The following TMEM178A variants were observed in gnomAD, a reference collection of about 807,000 sequenced individuals.
TMEM178A encodes transmembrane protein 178.
A neutral mutation model predicts 29.1 loss-of-function variants in TMEM178A; 12 were observed. The observed-to-expected ratio is 0.41, with a 90% CI of 0.26 to 0.67. The LOEUF (loss-of-function observed/expected upper bound fraction) is 0.67. Among genes scored for constraint, TMEM178A ranks in the 30% least tolerant of loss-of-function variants. The pLI, the probability that TMEM178A is intolerant of heterozygous loss-of-function variation, is 0.29. For synonymous variants in TMEM178A, 210 were observed against 187.2 expected (o/e 1.12, Z -0.99); for missense variants, 366 against 419.1 (o/e 0.87, Z 1.11).
At chr2:39,707,315 A>C (rs113310830) in intron 3 of TMEM178A, 129 bp downstream of exon 3, 18 of 1,186,140 alleles carry the variant, frequency 1.5e-5, no homozygotes, top group South Asian at 3.4e-5. Flanking sequence ...CCAGAAGGTC[A>C]TTTTGGCTTT....
chr2:39,724,699 G>A, the TMEM178A span, among the ~76,000 whole-genome samples: 1,316 of 152,154 alleles, frequency 8.6e-3, 11 homozygotes, highest in Non-Finnish European at 0.015. Flanking sequence ...AGACAGCCTC[G>A]GAGGCATATG....
chr2:39,673,645 CA>C (rs1670495759), intron 1 of TMEM178A, among the ~76,000 whole-genome samples: 1 of 152,194 alleles, frequency 6.6e-6, no homozygotes, highest in Non-Finnish European at 1.5e-5. Flanking sequence ...TGTCTCTTTA[CA>C]ACAGGTCACT....
chr2:39,683,409 T>C (rs1670950277), intron 1 of TMEM178A, among the ~76,000 whole-genome samples: 1 of 152,188 alleles, frequency 6.6e-6, no homozygotes, highest in South Asian at 2.1e-4. Context: ...CAGTCTCACA[T>C]GGGGCTCTCC....
intron 1 of TMEM178A, among the ~76,000 whole-genome samples, chr2:39,699,743 A>G (rs1296707794): frequency 1.3e-5 from 2 of 152,132 alleles, no homozygotes; most frequent in African/African-American, 2.4e-5. Context: ...GGCATGAGCT[A>G]CTGTGCCAGG....
chr2:39,707,246 C>G, intron 3 of TMEM178A, 60 bp downstream of exon 3: 2 of 1,524,400 alleles, frequency 1.3e-6, no homozygotes, highest in Non-Finnish European at 1.8e-6. Context: ...CTGCATGCGG[C>G]TAGCTAGTGT....
At chr2:39,692,563 G>A (rs1671363109) in intron 1 of TMEM178A, among the ~76,000 whole-genome samples, 1 of 152,058 alleles carries the variant, frequency 6.6e-6, no homozygotes, top group South Asian at 2.1e-4. Flanking sequence ...TCTCCTAAAT[G>A]TTGGAGATGA....
At chr2:39,714,424 A>T (rs1230331433) in intron 3 of TMEM178A, among the ~76,000 whole-genome samples, 1 of 152,216 alleles carries the variant, frequency 6.6e-6, no homozygotes, top group Non-Finnish European at 1.5e-5. Context: ...AGACAAAGGG[A>T]CAATCAGGTT....
downstream of TMEM178A, among the ~76,000 whole-genome samples, chr2:39,719,070 C>T (rs1672649571): frequency 6.6e-6 from 1 of 152,164 alleles, no homozygotes; most frequent in South Asian, 2.1e-4. Flanking sequence ...GCGACCACAC[C>T]AGCTTTGGCT....
chr2:39,717,012 A>C lies in TMEM178A; in HGVS notation c.655A>C (p.Ile219Leu), dbSNP rs201281373. ...VAGLLFLMTGIFCTISLCTYA... is the reference protein window; with the variant it reads ...VAGLLFLMTGLFCTISLCTYA... Reference sequence around the variant, plus strand: ...TGTTCTCTTTGTATTATTTATAGGGATATTTTGCACCATTTCCCTCTGTAC... The same window carrying C: ...TGTTCTCTTTGTATTATTTATAGGGCTATTTTGCACCATTTCCCTCTGTAC... Residue 219 changes from isoleucine (I) to leucine (L), a missense_variant and splice_region_variant, in exon 4 of 4, where the codon ATA becomes CTA. By Grantham distance (5) the Ile-to-Leu change is conservative. Around this residue, in one of 2 missense-constraint regions of TMEM178A, gnomAD observed 119 missense variants for 172.2 expected, o/e 0.69. Coordinates refer to ENST00000281961, the MANE Select transcript of TMEM178A (RefSeq NM_152390.3). 3.7e-6 allele frequency: 6 copies of C among 1,609,806 alleles called. No individual in the cohort carries two copies. In the Admixed American group the frequency reaches 6.7e-5, roughly 18 times the overall value.
Position 39,666,214 on chromosome 2 carries a change from C to G in TMEM178A, c.240C>G (p.Gly80=), listed in dbSNP as rs572019351. The change falls in exon 1 of 4, where the codon GGC becomes GGG. Residue 80 remains glycine, a synonymous_variant. Coordinates refer to ENST00000281961, the MANE Select transcript of TMEM178A (RefSeq NM_152390.3). ...SPPLGRRLLP[G]GPGRADPESW... ...CGCTGGGGCGCCGGCTGCTCCCGGG[C>G]GGCCCGGGGCGCGCCGACCCCGAGT... The G allele has an allele frequency of 5.9e-6, 8 of 1,349,242 alleles. No homozygotes were observed. Among genetic ancestry groups the G allele is most frequent in the Non-Finnish European group, 6.6e-6 (7 of 1,059,748 alleles). The allele number at this position is 1,349,242 out of a possible 1,614,324, so 83.6% of individuals were successfully genotyped here. A position where few individuals can be genotyped will look rare whatever the true frequency, so the allele number is the denominator to read the frequency against.
rs778219259 is a variant in TMEM178A at position 39,707,181 on chromosome 2, T to A, written c.647T>A (p.Met216Lys). The A allele has an allele frequency of 1.2e-6, 2 of 1,611,766 alleles. No homozygotes were observed. The highest frequency in any genetic ancestry group is 8.5e-7 in the Non-Finnish European group (1 of 1,179,138). ...TQHVAGLLFL[M>K]TGIFCTISLC... ...CACGTGGCTGGACTCCTGTTCCTCA[T>A]GACAGGTAGGCTGCATGCCTCAGGC... Residue 216 changes from methionine (M) to lysine (K), a missense_variant, in exon 3 of 4, where the codon ATG (methionine) becomes AAG (lysine). Physicochemically the swap from Met to Lys is moderately conservative, Grantham distance 95. Transcript: ENST00000281961.
At chr2:39,733,544 T>A in the TMEM178A span, among the ~76,000 whole-genome samples, 12 of 152,210 alleles carry the variant, frequency 7.9e-5, no homozygotes, top group Non-Finnish European at 1.5e-4. Context: ...TCCTTACCCT[T>A]CTTTATGCCT....
downstream of TMEM178A, among the ~76,000 whole-genome samples, chr2:39,721,983 C>A (rs889465205): frequency 4.3e-5 from 3 of 69,044 alleles, no homozygotes; most frequent in African/African-American, 6.5e-5. Context: ...TGAGACCAGT[C>A]TCAAAAAAAA....
At chr2:39,677,651 T>C (rs898425630) in intron 1 of TMEM178A, among the ~76,000 whole-genome samples, 7 of 152,260 alleles carry the variant, frequency 4.6e-5, no homozygotes, top group African/African-American at 1.7e-4. Flanking sequence ...TTTCTGTGTT[T>C]GGAGGAGTGG....
At position 39,708,520 on chromosome 2, in the gene TMEM178A, G is replaced by A. The variant is rs1672148562; in HGVS notation, c.652+1334G>A. On this transcript the variant is annotated intron_variant, in intron 3 of 3. Coordinates refer to ENST00000281961, the MANE Select transcript of TMEM178A (RefSeq NM_152390.3). Reference sequence around the variant, plus strand: ...TGCAAGCTCCGCCTCCCGGGTTCACGCCATTCTCCTGCCTCAGCCTCCCGT... The same window carrying A: ...TGCAAGCTCCGCCTCCCGGGTTCACACCATTCTCCTGCCTCAGCCTCCCGT... 2.9e-5 allele frequency among the ~76,000 whole-genome samples: 4 copies of A among 138,046 alleles called. No homozygotes were observed. In the South Asian group the frequency reaches 1.0e-3, roughly 35 times the overall value. The allele number at this position is 138,046 out of a possible 152,430, so 90.6% of individuals were successfully genotyped here.
At chr2:39,718,155 C>T (rs565802635), downstream of TMEM178A, among the ~76,000 whole-genome samples, 7 of 151,828 alleles carry the variant, frequency 4.6e-5, no homozygotes, top group South Asian at 1.3e-3. Flanking sequence ...CATTTTCAAA[C>T]TTGTTTTTAA....
intron 1 of TMEM178A, among the ~76,000 whole-genome samples, chr2:39,681,811 A>G (rs1670881267): frequency 6.6e-6 from 1 of 152,232 alleles, no homozygotes; most frequent in African/African-American, 2.4e-5. Flanking sequence ...AGCAGTTTTT[A>G]CAAAGGGAGA....
intron 1 of TMEM178A, among the ~76,000 whole-genome samples, chr2:39,701,657 T>A (rs1671787013): frequency 6.6e-6 from 1 of 152,112 alleles, no homozygotes; most frequent in Admixed American, 6.5e-5. Flanking sequence ...CTCTCCTCCT[T>A]TCTGCAGCTC....
intron 2 of TMEM178A, 79 bp from the exon 3 acceptor site, chr2:39,706,970 A>G (rs2148107732): frequency 6.6e-7 from 1 of 1,514,140 alleles, no homozygotes. Flanking sequence ...TTCACAATGT[A>G]TACAAAGCCC....
Sources: gnomAD v4.1 joint callset for allele counts (sites outside exome capture counted in the v4.1 genomes callset) on GRCh38, gnomAD v4.1.1 for gene constraint, gnomAD v4.1.1 regional missense constraint, MANE v1.5 for transcripts, NCBI Gene and HGNC (gene_info 2026-07-23, HGNC 2026-07-21) for gene names.